The following KIF26B variants were observed in gnomAD, a reference collection of about 807,000 sequenced individuals.
The protein encoded by KIF26B is kinesin family member 26B, also known as kinesin-like protein KIF26B.
A neutral mutation model predicts 151.2 loss-of-function variants in KIF26B; 63 were observed. The ratio of observed to expected loss-of-function variants is 0.42; its 90% CI spans 0.34 to 0.51. KIF26B has a LOEUF of 0.51. Ranked by LOEUF, KIF26B falls within the 20% of genes least tolerant of loss-of-function variation. The pLI is 0.07. For synonymous variants in KIF26B, 1,357 were observed against 1,262.1 expected (o/e 1.08, Z -1.59); for missense variants, 2,813 against 2,913.6 (o/e 0.97, Z 0.79).
chr1:245,527,148 A>C (rs1414566544), intron 4 of KIF26B, among the ~76,000 whole-genome samples: 1 of 152,244 alleles, frequency 6.6e-6, no homozygotes, highest in Non-Finnish European at 1.5e-5. Flanking sequence ...TCTAAAAGGC[A>C]GCATGGTGTA....
intron 2 of KIF26B, among the ~76,000 whole-genome samples, chr1:245,163,855 A>G (rs1300885417): frequency 1.3e-5 from 2 of 152,156 alleles, no homozygotes; most frequent in Admixed American, 1.3e-4. Context: ...CCGTCGCCTT[A>G]TTAAATTCTA....
intron 5 of KIF26B, among the ~76,000 whole-genome samples, chr1:245,590,075 TG>T (rs2043270105): frequency 6.7e-6 from 1 of 150,110 alleles, no homozygotes; most frequent in African/African-American, 2.5e-5. Context: ...TTTACTCATG[TG>T]GGCCCTTTAT....
At chr1:245,395,327 T>C (rs1673807481) in intron 3 of KIF26B, among the ~76,000 whole-genome samples, 1 of 152,138 alleles carries the variant, frequency 6.6e-6, no homozygotes, top group African/African-American at 2.4e-5. Context: ...CTTGATTTGG[T>C]TCTTATATAA....
intron 2 of KIF26B, among the ~76,000 whole-genome samples, chr1:245,237,791 G>A (rs1459731870): frequency 6.6e-6 from 1 of 151,960 alleles, no homozygotes. Flanking sequence ...GGAGGCCAAG[G>A]CGTGAAGGTT....
chr1:245,245,925 C>CAA lies in KIF26B; in HGVS notation c.465+89258_465+89259dup, dbSNP rs60181356. 6.4e-3 allele frequency among the ~76,000 whole-genome samples: 716 copies of CAA among 111,632 alleles called. 24 individuals carry two copies. The highest frequency in any genetic ancestry group is 0.016 in the African/African-American group (455 of 28,280). The allele number at this position is 111,632 out of a possible 152,430, so 73.2% of individuals were successfully genotyped here. On this transcript the variant is annotated intron_variant, in intron 2 of 14. Transcript: ENST00000407071. Reference sequence around the variant, plus strand: ...TGGGTGACAGAGTAAGACTCCGTCTCAAAAAAAAAAAAAAAAATTAGCCAG... The same window carrying CAA: ...TGGGTGACAGAGTAAGACTCCGTCTCAAAAAAAAAAAAAAAAAAATTAGCCAG...
chr1:245,255,181 C>T (rs1403232153), intron 2 of KIF26B, among the ~76,000 whole-genome samples: 1 of 152,222 alleles, frequency 6.6e-6, no homozygotes, highest in East Asian at 1.9e-4. Context: ...AGAAGACCCT[C>T]ACCAGATGTT....
Position 245,258,984 on chromosome 1 carries a change from C to T in KIF26B, c.465+102301C>T, listed in dbSNP as rs936915797. Among the ~76,000 whole-genome samples the T allele has an allele frequency of 3.9e-5, 6 of 152,184 alleles. No individual in the cohort carries two copies. In the South Asian group the frequency reaches 6.2e-4, roughly 16 times the overall value. On this transcript the variant is annotated intron_variant, in intron 2 of 14. Transcript: ENST00000407071. ...TAAAAATCACAGGTGCCCCTCGCTTCGTGCAACATGTGTGCCAGTCCAGTT... is the reference window on the plus strand; with the variant it reads ...TAAAAATCACAGGTGCCCCTCGCTTTGTGCAACATGTGTGCCAGTCCAGTT...
intron 2 of KIF26B, among the ~76,000 whole-genome samples, chr1:245,344,164 C>T (rs1234873567): frequency 1.3e-5 from 2 of 151,128 alleles, no homozygotes; most frequent in Non-Finnish European, 2.9e-5. Flanking sequence ...CTCCTTCCCC[C>T]TCCCTGTCTC....
At chr1:245,656,783 A>G (rs1470111191) in intron 10 of KIF26B, among the ~76,000 whole-genome samples, 1 of 152,192 alleles carries the variant, frequency 6.6e-6, no homozygotes, top group Non-Finnish European at 1.5e-5. Context: ...TTCAGGCCCA[A>G]TTGAGCATTA....
chr1:245,291,712 CAG>C (rs1252097643), intron 2 of KIF26B, among the ~76,000 whole-genome samples: 2 of 152,194 alleles, frequency 1.3e-5, no homozygotes, highest in Admixed American at 1.3e-4. Flanking sequence ...AAACAGGTAA[CAG>C]AGGGGACCTG....
At chr1:245,222,832 A>C (rs1669801450) in intron 2 of KIF26B, among the ~76,000 whole-genome samples, 1 of 152,206 alleles carries the variant, frequency 6.6e-6, no homozygotes, top group South Asian at 2.1e-4. Context: ...AGTGCAAAAA[A>C]CGTTACTTAA....
chr1:245,181,628 G>T (rs1668909656), intron 2 of KIF26B, among the ~76,000 whole-genome samples: 1 of 152,138 alleles, frequency 6.6e-6, no homozygotes, highest in Non-Finnish European at 1.5e-5. Flanking sequence ...TGTGTGGCTG[G>T]GTTGGTTATG....
chr1:245,655,449 A>G (rs889303374), intron 10 of KIF26B, among the ~76,000 whole-genome samples: 4 of 152,356 alleles, frequency 2.6e-5, no homozygotes, highest in Admixed American at 2.6e-4. Flanking sequence ...CCGTCTATCG[A>G]AATGAACCCT....
chr1:245,402,031 TG>T (rs1377870228), intron 3 of KIF26B, among the ~76,000 whole-genome samples: 1 of 151,962 alleles, frequency 6.6e-6, no homozygotes, highest in Admixed American at 6.6e-5. Flanking sequence ...TCCTGGCCTG[TG>T]GGTAAGGAGG....
chr1:245,364,834 T>G (rs957439062), intron 2 of KIF26B, among the ~76,000 whole-genome samples: 1 of 152,160 alleles, frequency 6.6e-6, no homozygotes, highest in Non-Finnish European at 1.5e-5. Context: ...CCAAACAGTT[T>G]GGTGCCTTGA....
chr1:245,660,903 C>A (rs746539766), intron 10 of KIF26B, among the ~76,000 whole-genome samples: 1 of 151,894 alleles, frequency 6.6e-6, no homozygotes, highest in African/African-American at 2.4e-5. Flanking sequence ...GCAGCCTTGA[C>A]CTGCTGGGCT....
In KIF26B at chr1:245,652,135, TGTGTGTGTGTGAGA is replaced by T. The variant is rs1425926946; in HGVS notation, c.2258+5857_2258+5870del. Among the ~76,000 whole-genome samples, 23 of 100,266 alleles carry T rather than the reference TGTGTGTGTGTGAGA, an allele frequency of 2.3e-4. No homozygotes were observed. The East Asian group carries it at 2.5e-3, about 11-fold the overall frequency. The allele number at this position is 100,266 out of a possible 152,430, so 65.8% of individuals were successfully genotyped here. A position where few individuals can be genotyped will look rare whatever the true frequency, so the allele number is the denominator to read the frequency against. Reference sequence around the variant, plus strand: ...GTGTGTGTGTGTGTGTGTGTGTGTGTGTGTGTGTGTGAGAGAGACATATGCATATTTAACCTCCT... The same window carrying T: ...GTGTGTGTGTGTGTGTGTGTGTGTGTGAGACATATGCATATTTAACCTCCT... On this transcript the variant is annotated intron_variant, in intron 10 of 14. Coordinates refer to ENST00000407071, the MANE Select transcript of KIF26B (RefSeq NM_018012.4).
At position 245,688,088 on chromosome 1, in the gene KIF26B, C is replaced by T. The variant is rs780250298; in HGVS notation, c.5105C>T (p.Thr1702Ile). 2 of 1,553,636 alleles carry T rather than the reference C, an allele frequency of 1.3e-6. No individual in the cohort carries two copies. Among genetic ancestry groups the T allele is most frequent in the Admixed American group, 1.9e-5 (1 of 51,892 alleles). Residue 1702 changes from threonine to isoleucine, a missense_variant, in exon 12 of 15, where the codon ACC (threonine) becomes ATC (isoleucine). Physicochemically the swap from Thr to Ile is moderately conservative, Grantham distance 89. This residue lies in a region of KIF26B where 2,060 missense variants were observed against 2,088.6 expected (regional missense o/e 0.99). Coordinates refer to ENST00000407071, the MANE Select transcript of KIF26B (RefSeq NM_018012.4). Reference sequence around the variant, plus strand: ...CGGCTGCACGCGGGCAAGGACGGCACCATGCCCCGCGCGGGGAGGAGCCTG... The same window carrying T: ...CGGCTGCACGCGGGCAAGGACGGCATCATGCCCCGCGCGGGGAGGAGCCTG... The part of the protein sequence containing the change: ...SSRLHAGKDG[T>I]MPRAGRSLGR...
chr1:245,373,009 G>C (rs982227642), intron 3 of KIF26B, among the ~76,000 whole-genome samples: 15 of 152,216 alleles, frequency 9.9e-5, no homozygotes, highest in Admixed American at 4.6e-4. Flanking sequence ...AGGAATACCG[G>C]TATAAATTAT....
Sources: gnomAD v4.1 joint callset for allele counts (sites outside exome capture counted in the v4.1 genomes callset) on GRCh38, gnomAD v4.1.1 for gene constraint, gnomAD v4.1.1 regional missense constraint, MANE v1.5 for transcripts, NCBI Gene and HGNC (gene_info 2026-07-23, HGNC 2026-07-21) for gene names.